EP300: variants seen among roughly 807,000 people sequenced by gnomAD.
EP300 encodes the protein histone acetyltransferase p300.
A neutral mutation model predicts 264.0 loss-of-function variants in EP300; 31 were observed. That is an observed-to-expected ratio of 0.12 (90% confidence interval 0.09 to 0.16). The LOEUF is 0.16. Among genes scored for constraint, EP300 ranks in the 10% least tolerant of loss-of-function variants. The pLI, the probability that EP300 is intolerant of heterozygous loss-of-function variation, is 1.00. For missense variants in EP300, 2,766 were observed against 3,052.9 expected (o/e 0.91, Z 2.21); for synonymous variants, 1,340 against 1,045.4 (o/e 1.28, Z -5.44).
chr22:41,167,001 TTTTTA>T (rs1439689326), intron 23 of EP300, among the ~76,000 whole-genome samples: 2 of 152,186 alleles, frequency 1.3e-5, no homozygotes, highest in Admixed American at 6.6e-5. Flanking sequence ...TATTTATTAT[TTTTTA>T]TTTTATTTTT....
At chr22:41,149,275 A>G (rs999331606) in intron 13 of EP300, 100 bp downstream of exon 13, 3 of 1,395,184 alleles carry the variant, frequency 2.2e-6, no homozygotes, top group Non-Finnish European at 3.0e-6. Context: ...GTGGGTGAAA[A>G]CAGATGATTT....
At chr22:41,174,513 T>C (rs951260708) in intron 29 of EP300, 6 of 152,200 alleles carry the variant, frequency 3.9e-5, no homozygotes, top group African/African-American at 1.4e-4. Flanking sequence ...CTCAAAACTT[T>C]TTGAGTTATT....
intron 21 of EP300, among the ~76,000 whole-genome samples, chr22:41,163,026 G>A (rs1255993701): frequency 6.6e-6 from 1 of 152,194 alleles, no homozygotes; most frequent in Admixed American, 6.5e-5. Flanking sequence ...AGTTTGCAGT[G>A]AGGCCTTTTA....
chr22:41,142,362 T>A (rs1439281673), intron 10 of EP300, among the ~76,000 whole-genome samples: 1 of 152,186 alleles, frequency 6.6e-6, no homozygotes, highest in Non-Finnish European at 1.5e-5. Context: ...CACTGGCCTT[T>A]AGCAGCCTCA....
intron 29 of EP300, chr22:41,175,949 C>T (rs1013579857): frequency 1.1e-4 from 46 of 429,498 alleles, no homozygotes; most frequent in African/African-American, 8.8e-4. Flanking sequence ...GCCTGCTGTA[C>T]CTGCTCACAC....
intron 10 of EP300, among the ~76,000 whole-genome samples, chr22:41,144,710 C>T (rs2059001274): frequency 6.6e-6 from 1 of 152,056 alleles, no homozygotes; most frequent in Non-Finnish European, 1.5e-5. Flanking sequence ...AATAATTCAT[C>T]AAGTTTCCTT....
At chr22:41,130,628 C>CAGCA (rs2058913289) in intron 5 of EP300, among the ~76,000 whole-genome samples, 2 of 152,106 alleles carry the variant, frequency 1.3e-5, no homozygotes, top group Admixed American at 6.6e-5. Context: ...TTTATACAAA[C>CAGCA]AGCAATAGGT....
chr22:41,156,540 G>T (rs1207726350), intron 17 of EP300, among the ~76,000 whole-genome samples: 1 of 152,094 alleles, frequency 6.6e-6, no homozygotes, highest in Non-Finnish European at 1.5e-5. Flanking sequence ...CACCAACATG[G>T]TGAAACCCCA....
At position 41,169,294 on chromosome 22, in the gene EP300, T is replaced by G. The variant is rs2059156830; in HGVS notation, c.4173-209T>G. The G allele has an allele frequency of 1.5e-5, 9 of 597,952 alleles. No homozygotes were observed. In the South Asian group the frequency reaches 1.8e-4, roughly 12 times the overall value. 37.0% of individuals were successfully genotyped at this position (597,952 alleles called of 1,614,324 possible). On this transcript the variant is annotated intron_variant, in intron 25 of 30. Transcript: ENST00000263253. ...TGTGTATGTGCCAGGCACTGCTAGT[T>G]ACTACAAATAGAAGGAAACCACAGG...
intron 23 of EP300, 126 bp downstream of exon 23, chr22:41,166,792 C>A (rs1001584737): frequency 4.8e-6 from 3 of 630,032 alleles, no homozygotes; most frequent in Admixed American, 3.1e-5. Context: ...ATTCTATAAT[C>A]TCCTTATAGT....
rs945314951 is a variant in EP300, at chr22:41,092,710, G to T, written c.-295G>T. On this transcript the variant is annotated 5_prime_UTR_variant, in exon 1 of 31. Transcript: ENST00000263253. ...CCGGGGACTGCGCCTCTAGAGCCGC[G>T]AGTTCTCGGGAATTCGCCGCAGCGG... is the stretch of plus-strand genomic sequence containing the variant. 9.8e-6 allele frequency: 6 copies of T among 613,406 alleles called. No homozygotes were observed. The highest frequency in any genetic ancestry group is 1.8e-5 in the Non-Finnish European group (6 of 338,416). The allele number at this position is 613,406 out of a possible 1,614,324, so 38.0% of individuals were successfully genotyped here.
chr22:41,098,109 A>G (rs983358313), intron 1 of EP300, among the ~76,000 whole-genome samples: 2 of 152,030 alleles, frequency 1.3e-5, no homozygotes, highest in South Asian at 2.1e-4. Context: ...TTAACTCGTC[A>G]TTTAGCATTA....
chr22:41,114,521 A>G (rs1335435154), intron 1 of EP300, among the ~76,000 whole-genome samples: 1 of 152,208 alleles, frequency 6.6e-6, no homozygotes, highest in Non-Finnish European at 1.5e-5. Context: ...ATATTTCAAA[A>G]GGAAAGAGTA....
chr22:41,147,795 T>A, intron 11 of EP300, 42 bp from the exon 12 acceptor site: 1 of 1,294,418 alleles, frequency 7.7e-7, no homozygotes, highest in South Asian at 1.2e-5. Flanking sequence ...TTATTCAATT[T>A]CACAAAGGCA....
Position 41,092,876 on chromosome 22 carries a change from C to A in EP300, c.-129C>A. 1.0e-6 allele frequency: 1 copy of A among 975,500 alleles called. No individual in the cohort carries two copies. The highest frequency in any genetic ancestry group is 1.7e-5 in the Admixed American group (1 of 57,978). The allele number at this position is 975,500 out of a possible 1,614,324, so 60.4% of individuals were successfully genotyped here. A position where few individuals can be genotyped will look rare whatever the true frequency, so the allele number is the denominator to read the frequency against. On this transcript the variant is annotated 5_prime_UTR_variant, in exon 1 of 31. Coordinates refer to ENST00000263253, the MANE Select transcript of EP300 (RefSeq NM_001429.4). Reference sequence around the variant, plus strand: ...ACCCGGCGAAGAGAAAAAGGAACTTCCCCCACCCCCTCGGGTGCCGTCGGA... The same window carrying A: ...ACCCGGCGAAGAGAAAAAGGAACTTACCCCACCCCCTCGGGTGCCGTCGGA...
chr22:41,093,183 C>CCT lies in EP300; in HGVS notation c.94+94_94+95dup, dbSNP rs528864037. On this transcript the variant is annotated intron_variant, in intron 1 of 30. Transcript: ENST00000263253. ...TTTATTCTTCCATTTTTTTTTTCTTCCTCTCTCTCTAGTTCCCTGCCCCTT... is the reference window on the plus strand; with the variant it reads ...TTTATTCTTCCATTTTTTTTTTCTTCCTCTCTCTCTCTAGTTCCCTGCCCCTT... 373 of 1,358,888 alleles carry CCT rather than the reference C, an allele frequency of 2.7e-4. 1 individual carries two copies. In the African/African-American group the frequency reaches 4.7e-3, roughly 17 times the overall value. 84.2% of individuals were successfully genotyped at this position (1,358,888 alleles called of 1,614,324 possible). A position where few individuals can be genotyped will look rare whatever the true frequency, so the allele number is the denominator to read the frequency against.
rs764603832 is a variant in EP300, at chr22:41,092,959, C to T, written c.-46C>T. 12 of 1,609,098 alleles carry T rather than the reference C, an allele frequency of 7.5e-6. No individual in the cohort carries two copies. In the African/African-American group the frequency reaches 1.2e-4, roughly 16 times the overall value. On this transcript the variant is annotated 5_prime_UTR_variant, in exon 1 of 31. Coordinates refer to ENST00000263253, the MANE Select transcript of EP300 (RefSeq NM_001429.4). ...GACCCCGGGCCGAAGAAGAGATTTC[C>T]TGAGGATTCTGGTTTTCCTCGCTTG...
At chr22:41,162,846 G>T in intron 21 of EP300, 67 bp downstream of exon 21, 1 of 1,336,598 alleles carries the variant, frequency 7.5e-7, no homozygotes, top group South Asian at 1.2e-5. Context: ...TTCTCTTGAA[G>T]TTTGCATGAC....
intron 16 of EP300, 24 bp from the exon 17 acceptor site, chr22:41,154,971 T>G: frequency 6.6e-7 from 1 of 1,510,568 alleles, no homozygotes; most frequent in Non-Finnish European, 9.2e-7. Flanking sequence ...GTAACTAATT[T>G]CAAATGCACT....
Sources: gnomAD v4.1 joint callset for allele counts (sites outside exome capture counted in the v4.1 genomes callset) on GRCh38, gnomAD v4.1.1 for gene constraint, MANE v1.5 for transcripts, NCBI Gene and HGNC (gene_info 2026-07-23, HGNC 2026-07-21) for gene names.